UVRAG: variants seen among roughly 807,000 people sequenced by gnomAD.
The protein encoded by UVRAG is UV radiation resistance associated.
Under a neutral mutation model 78.0 loss-of-function variants are expected in UVRAG, and 19 were observed. The observed-to-expected ratio is 0.24, with a 90% confidence interval of 0.17 to 0.36. The LOEUF is 0.36. Among genes scored for constraint, UVRAG ranks in the 10% least tolerant of loss-of-function variants. The pLI is 1.00. For synonymous variants in UVRAG, 323 were observed against 324.6 expected (o/e 1.00, Z 0.05); for missense variants, 740 against 853.8 (o/e 0.87, Z 1.66).
Position 75,950,963 on chromosome 11 carries a change from T to TACACACACACACACAC in UVRAG, c.594-10455_594-10440dup, listed in dbSNP as rs35864936. Among the ~76,000 whole-genome samples, 201 of 140,044 alleles carry TACACACACACACACAC rather than the reference T, an allele frequency of 1.4e-3. 1 individual carries two copies. The highest frequency in any genetic ancestry group is 4.9e-3 in the African/African-American group (185 of 38,102). 91.9% of individuals were successfully genotyped at this position (140,044 alleles called of 152,430 possible). Reference sequence around the variant, plus strand: ...TTGGATAGAAGTCCTTTGTCAGGTGTACACACACACACACACACACACACA... The same window carrying TACACACACACACACAC: ...TTGGATAGAAGTCCTTTGTCAGGTGTACACACACACACACACACACACACACACACACACACACACA... On this transcript the variant is annotated intron_variant, in intron 6 of 14. Transcript: ENST00000356136.
At chr11:75,927,820 A>G (rs1444432714) in intron 6 of UVRAG, among the ~76,000 whole-genome samples, 2 of 152,244 alleles carry the variant, frequency 1.3e-5, no homozygotes, top group East Asian at 3.8e-4. Context: ...GTTTGGGCAT[A>G]GTGAGCAAAG....
intron 1 of UVRAG, among the ~76,000 whole-genome samples, chr11:75,831,745 T>A (rs1411124694): frequency 2.0e-5 from 3 of 152,146 alleles, no homozygotes; most frequent in Non-Finnish European, 4.4e-5. Flanking sequence ...ACAAATGCCT[T>A]TTGATTTATG....
intron 7 of UVRAG, among the ~76,000 whole-genome samples, chr11:75,968,699 G>C (rs1325613162): frequency 6.6e-6 from 1 of 152,182 alleles, no homozygotes; most frequent in African/African-American, 2.4e-5. Context: ...ATATCCCTGT[G>C]TTCTCTGAAT....
At chr11:75,844,794 C>T (rs913131120) in intron 1 of UVRAG, among the ~76,000 whole-genome samples, 16 of 151,930 alleles carry the variant, frequency 1.1e-4, no homozygotes, top group South Asian at 2.1e-4. Context: ...GCACCTCAGC[C>T]TCCTGGGTAG....
At chr11:76,006,697 A>AGGGTAAT (rs1245217550) in intron 9 of UVRAG, among the ~76,000 whole-genome samples, 1 of 149,250 alleles carries the variant, frequency 6.7e-6, no homozygotes, top group South Asian at 2.1e-4. Context: ...GAGAGAGAGA[A>AGGGTAAT]GGGTAATTTC....
rs559398219 is a variant in UVRAG at position 75,959,099 on chromosome 11, A to G, written c.594-2345A>G. ...AGAACACAGGCAGAGTAGATTTAGC[A>G]TAATTCTTAAGGGCCCCAGGGTCTT... On this transcript the variant is annotated intron_variant, in intron 6 of 14. Coordinates refer to ENST00000356136, the MANE Select transcript of UVRAG (RefSeq NM_003369.4). Among the ~76,000 whole-genome samples the G allele has an allele frequency of 2.2e-4, 34 of 152,320 alleles. No homozygotes were observed. The South Asian group carries it at 6.8e-3, about 31-fold the overall frequency.
At chr11:76,040,471 CAAAAAA>C (rs1268306462) in intron 12 of UVRAG, among the ~76,000 whole-genome samples, 8 of 77,854 alleles carry the variant, frequency 1.0e-4, no homozygotes, top group Non-Finnish European at 2.1e-4. Context: ...TACTCCATCT[CAAAAAA>C]AAAAAAAAAG....
intron 13 of UVRAG, among the ~76,000 whole-genome samples, chr11:76,111,991 G>A (rs1344740328): frequency 6.6e-6 from 1 of 151,314 alleles, no homozygotes; most frequent in African/African-American, 2.4e-5. Flanking sequence ...AAATGAAGAA[G>A]GAGGAGGAGG....
chr11:75,827,268 G>A lies in UVRAG; in HGVS notation c.117+11744G>A, dbSNP rs553554827. Among the ~76,000 whole-genome samples the A allele has an allele frequency of 7.2e-5, 11 of 151,922 alleles. No homozygotes were observed. The South Asian group carries it at 1.7e-3, about 23-fold the overall frequency. On this transcript the variant is annotated intron_variant, in intron 1 of 14. Coordinates refer to ENST00000356136, the MANE Select transcript of UVRAG (RefSeq NM_003369.4). ...CATGAGTGTAGCTTTTGTGATTAAG[G>A]GTTTAACAGTGAATACAAGTAATTC...
In UVRAG at chr11:76,041,209, T is replaced by C. The variant is rs763377815; in HGVS notation, c.1226+24229T>C. Among the ~76,000 whole-genome samples the C allele has an allele frequency of 6.0e-4, 87 of 144,578 alleles. 1 individual carries two copies. The highest frequency in any genetic ancestry group is 1.1e-3 in the Non-Finnish European group (73 of 67,950). The allele number at this position is 144,578 out of a possible 152,430, so 94.8% of individuals were successfully genotyped here. ...TGTGAATATTATGGTCTGATGGATT[T>C]ATTGGGACAAGATCGTACGCAATTG... On this transcript the variant is annotated intron_variant, in intron 12 of 14. Coordinates refer to ENST00000356136, the MANE Select transcript of UVRAG (RefSeq NM_003369.4).
chr11:75,961,626 T>TA (rs1181664534), intron 7 of UVRAG, 77 bp downstream of exon 7: 5 of 1,121,058 alleles, frequency 4.5e-6, no homozygotes, highest in Non-Finnish European at 3.7e-6. Flanking sequence ...GGGTTAATTT[T>TA]AAAAAACGCT....
At chr11:75,925,050 C>G (rs754360489) in intron 6 of UVRAG, among the ~76,000 whole-genome samples, 7 of 152,108 alleles carry the variant, frequency 4.6e-5, no homozygotes, top group Non-Finnish European at 8.8e-5. Flanking sequence ...TGTCTCTGCC[C>G]CTGTCCTTTA....
intron 9 of UVRAG, among the ~76,000 whole-genome samples, chr11:76,004,723 T>C (rs905130419): frequency 3.3e-5 from 5 of 152,086 alleles, no homozygotes; most frequent in Non-Finnish European, 5.9e-5. Context: ...ACTTCTGGCC[T>C]CAAGTGATGC....
intron 3 of UVRAG, among the ~76,000 whole-genome samples, chr11:75,868,358 G>C (rs1440967951): frequency 6.6e-6 from 1 of 152,150 alleles, no homozygotes; most frequent in Non-Finnish European, 1.5e-5. Flanking sequence ...GGTGTTGCTA[G>C]GCACATAAGA....
chr11:76,006,931 A>G (rs1949956511), intron 9 of UVRAG, among the ~76,000 whole-genome samples: 1 of 152,196 alleles, frequency 6.6e-6, no homozygotes, highest in Admixed American at 6.5e-5. Context: ...TTATAAATAG[A>G]TATAACAGTA....
chr11:76,091,632 C>A (rs1399567186), intron 13 of UVRAG, among the ~76,000 whole-genome samples: 1 of 151,916 alleles, frequency 6.6e-6, no homozygotes, highest in Non-Finnish European at 1.5e-5. Context: ...TTGTGTTTTT[C>A]ATTTTGGCTT....
chr11:75,863,647 C>T (rs1354055429), intron 3 of UVRAG, among the ~76,000 whole-genome samples: 1 of 152,216 alleles, frequency 6.6e-6, no homozygotes, highest in Non-Finnish European at 1.5e-5. Flanking sequence ...CCTCCATCTT[C>T]AATTGCTTTG....
At chr11:75,936,979 G>A (rs1010948712) in intron 6 of UVRAG, among the ~76,000 whole-genome samples, 5 of 152,166 alleles carry the variant, frequency 3.3e-5, no homozygotes, top group Admixed American at 3.3e-4. Flanking sequence ...TGGTCTTAAA[G>A]TCCTGGTCTC....
At chr11:75,819,503 T>C (rs1312689126) in intron 1 of UVRAG, among the ~76,000 whole-genome samples, 4 of 151,946 alleles carry the variant, frequency 2.6e-5, no homozygotes, top group Admixed American at 2.6e-4. Context: ...TGTGCCACCA[T>C]GCCCAGCTAA....
Sources: allele counts gnomAD v4.1 joint callset (sites outside exome capture counted in the v4.1 genomes callset), GRCh38; gene constraint gnomAD v4.1.1; transcripts MANE v1.5; gene names NCBI Gene and HGNC (gene_info 2026-07-23, HGNC 2026-07-21).